The following ABI3BP variants were observed in gnomAD, a reference collection of about 807,000 sequenced individuals.
The protein encoded by ABI3BP is target of Nesh-SH3.
ABI3BP carries 216 observed loss-of-function variants against 268.6 expected under a neutral mutation model. That is an observed-to-expected ratio of 0.80 (90% CI 0.72 to 0.90). The LOEUF (loss-of-function observed/expected upper bound fraction) is 0.90, where lower values mean the gene tolerates loss of function less well. Among genes scored for constraint, ABI3BP ranks in the 40% least tolerant of loss-of-function variants. ABI3BP has a pLI of 0.00. For missense variants in ABI3BP, 2,090 were observed against 2,182.4 expected (o/e 0.96, Z 0.84); for synonymous variants, 730 against 730.0 (o/e 1.00, Z 0.00).
At chr3:100,888,022 G>T (rs747648994) in intron 4 of ABI3BP, among the ~76,000 whole-genome samples, 5 of 152,028 alleles carry the variant, frequency 3.3e-5, no homozygotes, top group Non-Finnish European at 7.4e-5. Flanking sequence ...TCAGCAGGGG[G>T]TTTGTAGTTT....
In ABI3BP at chr3:100,750,234, C is replaced by T; in HGVS notation, c.*261G>A. The stretch of plus-strand genomic sequence containing the variant: ...GTGATAAATAATATACAAATGATCT[C>T]TTAAAATACCATGAATAGGGAGCCA... On this transcript the variant is annotated 3_prime_UTR_variant, in exon 68 of 68. Coordinates refer to ENST00000471714, the MANE Select transcript of ABI3BP (RefSeq NM_001375547.2). 3.1e-6 allele frequency: 1 copy of T among 326,430 alleles called. No homozygotes were observed. The highest frequency in any genetic ancestry group is 5.6e-6 in the Non-Finnish European group (1 of 179,672). 20.2% of individuals were successfully genotyped at this position (326,430 alleles called of 1,614,324 possible).
intron 50 of ABI3BP, among the ~76,000 whole-genome samples, chr3:100,805,861 T>C (rs2097690742): frequency 1.3e-5 from 2 of 152,122 alleles, no homozygotes; most frequent in Non-Finnish European, 2.9e-5. Context: ...GTGAAAATTA[T>C]ACTATTATAA....
At chr3:100,902,509 T>A in intron 3 of ABI3BP, 109 bp downstream of exon 3, 6 of 955,630 alleles carry the variant, frequency 6.3e-6, no homozygotes, top group Non-Finnish European at 9.5e-6. Flanking sequence ...ACACCTCCTC[T>A]ACATTCTTAA....
chr3:100,957,038 T>A (rs1223987654), intron 1 of ABI3BP, among the ~76,000 whole-genome samples: 1 of 152,180 alleles, frequency 6.6e-6, no homozygotes, highest in Non-Finnish European at 1.5e-5. Flanking sequence ...GAGAAATGAT[T>A]AAAATCTGAT....
chr3:100,817,315 A>C (rs2098085294), intron 42 of ABI3BP, 121 bp downstream of exon 42: 1 of 640,296 alleles, frequency 1.6e-6, no homozygotes, highest in African/African-American at 1.8e-5. Context: ...TATAAAGTTG[A>C]AGGATAGCAG....
chr3:100,968,071 G>GGAC (rs1424747066), intron 1 of ABI3BP, among the ~76,000 whole-genome samples: 1 of 152,150 alleles, frequency 6.6e-6, no homozygotes, highest in Non-Finnish European at 1.5e-5. Flanking sequence ...AGACTGCCAT[G>GGAC]GACGAGCCTG....
chr3:100,958,398 A>G (rs1471193796), intron 1 of ABI3BP, among the ~76,000 whole-genome samples: 3 of 152,230 alleles, frequency 2.0e-5, no homozygotes, highest in African/African-American at 7.2e-5. Context: ...ATACTTAACC[A>G]GACGGATAAG....
chr3:100,935,689 T>A (rs1240134224), intron 1 of ABI3BP, among the ~76,000 whole-genome samples: 1 of 152,180 alleles, frequency 6.6e-6, no homozygotes, highest in Non-Finnish European at 1.5e-5. Context: ...CAAGAGGCCC[T>A]TTGCATCCCT....
At chr3:100,878,582 C>T (rs1442192570) in intron 6 of ABI3BP, among the ~76,000 whole-genome samples, 1 of 152,164 alleles carries the variant, frequency 6.6e-6, no homozygotes, top group African/African-American at 2.4e-5. Flanking sequence ...ATAAGTATAA[C>T]TTTCAGTGGG....
intron 58 of ABI3BP, among the ~76,000 whole-genome samples, chr3:100,779,498 T>A (rs192398931): frequency 6.6e-6 from 1 of 152,236 alleles, no homozygotes; most frequent in Admixed American, 6.5e-5. Flanking sequence ...TCTTGTGCTA[T>A]AGTTAAACAA....
At chr3:100,890,967 A>T (rs2044347128) in intron 4 of ABI3BP, among the ~76,000 whole-genome samples, 1 of 145,432 alleles carries the variant, frequency 6.9e-6, no homozygotes, top group African/African-American at 2.5e-5. Context: ...ACTCGTGATA[A>T]TTTTCAAACT....
rs1283196888 is a variant in ABI3BP, at chr3:100,770,936, G to A, written c.4548C>T (p.Tyr1516=). Residue 1516 remains tyrosine, a synonymous_variant, in exon 62 of 68, where the codon TAC becomes TAT. Coordinates refer to ENST00000471714, the MANE Select transcript of ABI3BP (RefSeq NM_001375547.2). ...KPRFKGPHVR[Y]IQKPDNSPCS... is the part of the protein sequence containing the mutation. The stretch of plus-strand genomic sequence containing the variant: ...AGGGACTGTTGTCAGGCTTTTGGAT[G>A]TATCGCACATGAGGTCCTACGAGAG... 2 of 1,587,570 alleles carry A rather than the reference G, an allele frequency of 1.3e-6. No individual in the cohort carries two copies.
At chr3:100,807,753 T>G (rs781372114) in intron 50 of ABI3BP, among the ~76,000 whole-genome samples, 1 of 152,040 alleles carries the variant, frequency 6.6e-6, no homozygotes, top group Non-Finnish European at 1.5e-5. Context: ...CCTGGGTGGG[T>G]GAACCTCAGA....
Position 100,840,134 on chromosome 3 carries a change from C to A in ABI3BP, c.1835G>T (p.Arg612Leu). ...APRKTKRPGR[R>L]PRPRPRPKTT... is the part of the protein sequence containing the mutation. Reference sequence around the variant, plus strand: ...TTTAGGGCGGGGACGGGGGCGGGGGCGACGACCTGGTCTTTTGGTCTTTCG... The same window carrying A: ...TTTAGGGCGGGGACGGGGGCGGGGGAGACGACCTGGTCTTTTGGTCTTTCG... The change falls in exon 23 of 68, where the codon CGC becomes CTC. Residue 612 changes from arginine to leucine, a missense_variant. Coordinates refer to ENST00000471714, the MANE Select transcript of ABI3BP (RefSeq NM_001375547.2). The A allele has an allele frequency of 6.5e-7, 1 of 1,530,576 alleles. No individual in the cohort carries two copies. Among genetic ancestry groups the A allele is most frequent in the Non-Finnish European group, 8.7e-7 (1 of 1,144,406 alleles). The allele number at this position is 1,530,576 out of a possible 1,614,324, so 94.8% of individuals were successfully genotyped here. A position where few individuals can be genotyped will look rare whatever the true frequency, so the allele number is the denominator to read the frequency against.
At chr3:100,945,820 GT>G (rs956235400) in intron 1 of ABI3BP, 11 of 244,250 alleles carry the variant, frequency 4.5e-5, no homozygotes, top group African/African-American at 2.6e-4. Flanking sequence ...TATATTTTTA[GT>G]TTTGGGAGGT....
intron 7 of ABI3BP, among the ~76,000 whole-genome samples, chr3:100,875,967 T>C (rs1350149390): frequency 1.3e-5 from 2 of 152,186 alleles, no homozygotes; most frequent in Admixed American, 6.5e-5. Flanking sequence ...CAACACTAAC[T>C]GATTCTGTTT....
intron 2 of ABI3BP, among the ~76,000 whole-genome samples, chr3:100,913,966 C>G (rs1252051381): frequency 6.6e-6 from 1 of 152,168 alleles, no homozygotes; most frequent in Non-Finnish European, 1.5e-5. Context: ...ATCTGCTCTT[C>G]TACCCCTTTA....
At chr3:100,760,669 G>A (rs2095885666) in intron 63 of ABI3BP, among the ~76,000 whole-genome samples, 1 of 152,130 alleles carries the variant, frequency 6.6e-6, no homozygotes, top group South Asian at 2.1e-4. Flanking sequence ...CACACTCACT[G>A]TCCCAATAAG....
Position 100,833,159 on chromosome 3 carries a change from T to A in ABI3BP, c.2282-2A>T. Reference sequence around the variant, plus strand: ...TCCCAGGAGTAATAGGTCCAAAGTCTGTAGCAAGAAATGATCAAAAGCAAT... The same window carrying A: ...TCCCAGGAGTAATAGGTCCAAAGTCAGTAGCAAGAAATGATCAAAAGCAAT... On this transcript the variant is annotated splice_acceptor_variant, in intron 29 of 67. Transcript: ENST00000471714. LOFTEE classifies it high-confidence loss of function. 1 of 1,534,328 alleles carries A rather than the reference T, an allele frequency of 6.5e-7. No homozygotes were observed. The highest frequency in any genetic ancestry group is 8.7e-7 in the Non-Finnish European group (1 of 1,145,708).
Sources: gnomAD v4.1 joint callset for allele counts (sites outside exome capture counted in the v4.1 genomes callset) on GRCh38, gnomAD v4.1.1 for gene constraint, MANE v1.5 for transcripts, NCBI Gene and HGNC (gene_info 2026-07-23, HGNC 2026-07-21) for gene names.